TBC1D14: variants seen among roughly 807,000 people sequenced by gnomAD.
TBC1D14 encodes TBC1 domain family, member 14.
Under a neutral mutation model 79.0 loss-of-function variants are expected in TBC1D14, and 26 were observed. That is an observed-to-expected ratio of 0.33 (90% CI 0.24 to 0.46). The LOEUF (loss-of-function observed/expected upper bound fraction) is 0.46. TBC1D14 is among the 20% of genes least tolerant of loss of function. The pLI, the probability that TBC1D14 is intolerant of heterozygous loss-of-function variation, is 1.00. For missense variants in TBC1D14, 769 were observed against 887.6 expected, an observed-to-expected ratio of 0.87 and a Z score of 1.70; for synonymous variants, 394 against 349.9, an observed-to-expected ratio of 1.13 and a Z score of -1.40.
intron 2 of TBC1D14, among the ~76,000 whole-genome samples, chr4:6,963,841 G>A (rs895165699): frequency 2.6e-5 from 4 of 152,174 alleles, no homozygotes; most frequent in Admixed American, 2.6e-4. Context: ...TGTCACCCAG[G>A]CTTGGAGTGC....
At chr4:7,003,008 G>A (rs1407189209) in intron 7 of TBC1D14, among the ~76,000 whole-genome samples, 1 of 152,182 alleles carries the variant, frequency 6.6e-6, no homozygotes, top group Non-Finnish European at 1.5e-5. Context: ...TAAATCCCAT[G>A]TTCTGACTTG....
At position 7,004,921 on chromosome 4, in the gene TBC1D14, G is replaced by A. The variant is rs1432663748; in HGVS notation, c.1348G>A (p.Glu450Lys). 4.3e-6 allele frequency: 7 copies of A among 1,613,950 alleles called. No homozygotes were observed. Among genetic ancestry groups the A allele is most frequent in the African/African-American group, 2.7e-5 (2 of 74,908 alleles). ...LSTGGSEVEN[E>K]DAGFSAADRE... is the part of the protein sequence containing the mutation. ...CACAGGAGGCTCTGAAGTGGAGAAC[G>A]AAGGTAGAATGTCTTCTAAAACCAG... The change falls in exon 8 of 14, where the codon GAA becomes AAA. Residue 450 changes from glutamate to lysine, a missense_variant. By Grantham distance (56) the Glu-to-Lys change is moderately conservative (BLOSUM62 1). Around this residue, in one of 2 missense-constraint regions of TBC1D14, gnomAD observed 367 missense variants for 494.4 expected, o/e 0.74. Transcript: ENST00000409757.
At chr4:6,920,047 C>T (rs1456938768) in intron 1 of TBC1D14, among the ~76,000 whole-genome samples, 2 of 150,878 alleles carry the variant, frequency 1.3e-5, no homozygotes, top group Non-Finnish European at 3.0e-5. Context: ...TCTCAGTAGC[C>T]GGGACTACAG....
At chr4:6,932,158 A>C (rs564946751) in intron 2 of TBC1D14, among the ~76,000 whole-genome samples, 423 of 152,138 alleles carry the variant, frequency 2.8e-3, no homozygotes, top group Middle Eastern at 0.01. Context: ...TTGGGAGTTC[A>C]AGACCAGCCT....
intron 2 of TBC1D14, among the ~76,000 whole-genome samples, chr4:6,938,802 C>T (rs1458036296): frequency 1.3e-5 from 2 of 152,232 alleles, no homozygotes; most frequent in East Asian, 1.9e-4. Flanking sequence ...TGTCTGTCAC[C>T]ACAGCTGTGC....
In TBC1D14 at chr4:6,923,714, TC is replaced by T; in HGVS notation, c.327del (p.Cys110ValfsTer29). Reference sequence around the variant, plus strand: ...CTTCCAGAGCGCCTGCGCGCTGCCATCCTGTGCGCCACCAGCTCCTAGCAGC... The same window carrying T: ...CTTCCAGAGCGCCTGCGCGCTGCCATCTGTGCGCCACCAGCTCCTAGCAGC... ...RAFQSACALP[S>X]CAPPAPSSTE... On this transcript the variant is annotated frameshift_variant, in exon 2 of 14. Transcript: ENST00000409757. LOFTEE classifies it high-confidence loss of function. 1 of 1,613,850 alleles carries T rather than the reference TC, an allele frequency of 6.2e-7. No individual in the cohort carries two copies.
chr4:7,021,114 G>C (rs1293622309), intron 12 of TBC1D14, among the ~76,000 whole-genome samples: 1 of 152,138 alleles, frequency 6.6e-6, no homozygotes, highest in Non-Finnish European at 1.5e-5. Context: ...GTGCTTCCTT[G>C]CCTCTAGCAA....
intron 3 of TBC1D14, among the ~76,000 whole-genome samples, chr4:6,980,456 G>A (rs1011978672): frequency 6.6e-6 from 1 of 152,102 alleles, no homozygotes; most frequent in African/African-American, 2.4e-5. Flanking sequence ...AGTAATCAAA[G>A]TTTCTACCTG....
intron 2 of TBC1D14, among the ~76,000 whole-genome samples, chr4:6,941,169 G>C (rs1033081097): frequency 6.0e-5 from 9 of 148,834 alleles, no homozygotes; most frequent in African/African-American, 2.2e-4. Context: ...GCCTGTATCT[G>C]AGGAAAGCAG....
At chr4:6,980,561 T>C (rs1160838683) in intron 3 of TBC1D14, among the ~76,000 whole-genome samples, 1 of 151,858 alleles carries the variant, frequency 6.6e-6, no homozygotes, top group Non-Finnish European at 1.5e-5. Context: ...AAAACAAAAA[T>C]GATAGACCGA....
intron 2 of TBC1D14, among the ~76,000 whole-genome samples, chr4:6,957,361 G>T (rs977781458): frequency 6.6e-6 from 1 of 152,248 alleles, no homozygotes; most frequent in African/African-American, 2.4e-5. Flanking sequence ...CTGGAACAGT[G>T]TGTGACTTAG....
At chr4:6,991,944 T>C (rs1265917756) in intron 3 of TBC1D14, among the ~76,000 whole-genome samples, 1 of 152,236 alleles carries the variant, frequency 6.6e-6, no homozygotes, top group African/African-American at 2.4e-5. Flanking sequence ...TTTGTATCTG[T>C]GCTGTTGGCA....
chr4:6,968,693 A>G (rs4689570), intron 3 of TBC1D14, among the ~76,000 whole-genome samples: 115,080 of 147,394 alleles, frequency 0.78, 45,508 homozygotes, highest in East Asian at 0.96. Flanking sequence ...CTGACCGCCG[A>G]GAGGAGGCTG....
intron 1 of TBC1D14, among the ~76,000 whole-genome samples, chr4:6,919,154 T>C (rs1036087311): frequency 6.8e-6 from 1 of 146,730 alleles, no homozygotes; most frequent in Non-Finnish European, 1.5e-5. Context: ...AATTTCACCT[T>C]TTTTTTTTTT....
intron 9 of TBC1D14, chr4:7,007,398 C>T: frequency 2.2e-6 from 1 of 461,850 alleles, no homozygotes; most frequent in Non-Finnish European, 3.7e-6. Context: ...ATTCTTTGAG[C>T]CAGCAGACGT....
chr4:6,976,704 A>C (rs897553541), intron 3 of TBC1D14, among the ~76,000 whole-genome samples: 3 of 152,212 alleles, frequency 2.0e-5, no homozygotes, highest in Non-Finnish European at 4.4e-5. Context: ...GACTTGGAAC[A>C]TCAGGAAAGA....
rs1027061863 is a variant in TBC1D14 at position 7,032,994 on chromosome 4, T to C, written c.*2602T>C. 7.2e-5 allele frequency: 11 copies of C among 152,686 alleles called. No individual in the cohort carries two copies. Among genetic ancestry groups the C allele is most frequent in the Admixed American group, 2.0e-4 (3 of 15,278 alleles). 9.5% of individuals were successfully genotyped at this position (152,686 alleles called of 1,614,324 possible). ...AACTCCTGATAACACTTGCTACATATCATGTTTTAATTGCTTGTACAGTTA... is the reference window on the plus strand; with the variant it reads ...AACTCCTGATAACACTTGCTACATACCATGTTTTAATTGCTTGTACAGTTA... On this transcript the variant is annotated 3_prime_UTR_variant, in exon 14 of 14. Coordinates refer to ENST00000409757, the MANE Select transcript of TBC1D14 (RefSeq NM_020773.3).
At chr4:6,998,790 T>G in intron 5 of TBC1D14, 1 of 259,884 alleles carries the variant, frequency 3.8e-6, no homozygotes, top group Non-Finnish European at 7.6e-6. Context: ...CCACCCGCCT[T>G]GGCTTCCCAA....
At chr4:7,003,848 T>A (rs888503901) in intron 7 of TBC1D14, among the ~76,000 whole-genome samples, 1 of 151,248 alleles carries the variant, frequency 6.6e-6, no homozygotes, top group African/African-American at 2.4e-5. Context: ...CTAAAAAAAA[T>A]AAAAAATTCA....
Sources: allele counts gnomAD v4.1 joint callset (sites outside exome capture counted in the v4.1 genomes callset), GRCh38; gene constraint gnomAD v4.1.1; regional missense constraint gnomAD v4.1.1; transcripts MANE v1.5; gene names NCBI Gene and HGNC (gene_info 2026-07-23, HGNC 2026-07-21).